Variants in FRMPD4 observed in about 807,000 individuals in gnomAD.
The protein encoded by FRMPD4 is FERM and PDZ domain-containing protein 4.
Under a neutral mutation model 94.1 loss-of-function variants are expected in FRMPD4, and 22 were observed. That is an observed-to-expected ratio of 0.23 (90% CI 0.17 to 0.33). FRMPD4 has a LOEUF of 0.33. Ranked by LOEUF, FRMPD4 falls within the 10% of genes least tolerant of loss-of-function variation. FRMPD4 has a pLI of 1.00. For missense variants in FRMPD4, 1,111 were observed against 1,339.9 expected, an observed-to-expected ratio of 0.83 and a Z score of 2.67; for synonymous variants, 631 against 548.6, an observed-to-expected ratio of 1.15 and a Z score of -2.10.
In FRMPD4 at chrX:12,354,369, C is replaced by G. The variant is rs2055863019; in HGVS notation, c.42-144311C>G. Among the ~76,000 whole-genome samples, 3 of 112,121 alleles carry G rather than the reference C, an allele frequency of 2.7e-5. No homozygotes were observed. In the Admixed American group the frequency reaches 2.8e-4, roughly 11 times the overall value. Reference sequence around the variant, plus strand: ...GAGGGTATGGGAATGGCTACTCATGCTCAGGAGTGGGAGATTGGCTCGCAG... The same window carrying G: ...GAGGGTATGGGAATGGCTACTCATGGTCAGGAGTGGGAGATTGGCTCGCAG... On this transcript the variant is annotated intron_variant, in intron 1 of 16. Coordinates refer to ENST00000675598, the MANE Select transcript of FRMPD4 (RefSeq NM_001368397.1).
At chrX:12,082,300 T>C (rs2055068963) in intron 3 of FRMPD4, among the ~76,000 whole-genome samples, 1 of 111,901 alleles carries the variant, frequency 8.9e-6, no homozygotes, top group Non-Finnish European at 1.9e-5. Context: ...ATTCTCATGA[T>C]AGTGAATAAG....
At chrX:12,363,349 A>G (rs1240921941) in intron 1 of FRMPD4, among the ~76,000 whole-genome samples, 1 of 112,826 alleles carries the variant, frequency 8.9e-6, no homozygotes, top group Non-Finnish European at 1.9e-5. Context: ...TATGTCAAGT[A>G]TTAGCTAAAT....
At chrX:12,530,813 C>A (rs1356570003) in intron 2 of FRMPD4, among the ~76,000 whole-genome samples, 1 of 109,952 alleles carries the variant, frequency 9.1e-6, no homozygotes, top group East Asian at 2.8e-4. Context: ...GTTTGGTATT[C>A]ACTGGATTGA....
At chrX:12,469,924 C>CT (rs1167321770) in intron 1 of FRMPD4, among the ~76,000 whole-genome samples, 2 of 112,277 alleles carry the variant, frequency 1.8e-5, no homozygotes, top group Non-Finnish European at 3.8e-5. Flanking sequence ...GAGGACACTG[C>CT]TGCCCCTGGA....
chrX:12,476,908 G>T (rs1424913024), intron 1 of FRMPD4, among the ~76,000 whole-genome samples: 1 of 111,740 alleles, frequency 8.9e-6, no homozygotes, highest in African/African-American at 3.3e-5. Context: ...ACAGTGTGGC[G>T]ATTCCTCAGG....
chrX:12,382,198 A>G (rs907408372), intron 1 of FRMPD4, among the ~76,000 whole-genome samples: 4 of 111,973 alleles, frequency 3.6e-5, no homozygotes, highest in African/African-American at 1.3e-4. Flanking sequence ...AAGCAACAAG[A>G]CATGCTTAGG....
intron 5 of FRMPD4, among the ~76,000 whole-genome samples, chrX:12,680,866 C>G (rs756916972): frequency 9.1e-6 from 1 of 110,275 alleles, no homozygotes; most frequent in African/African-American, 3.3e-5. Flanking sequence ...CGTTTACTGG[C>G]CTCAGCAGGG....
rs751431687 is a variant in FRMPD4 at position 12,279,109 on chromosome X, G to C, written c.41+140097G>C. On this transcript the variant is annotated intron_variant, in intron 1 of 16. Transcript: ENST00000675598. The stretch of plus-strand genomic sequence containing the variant: ...TTTTCACTCAAATCTTTGCCTTAGG[G>C]CCTGCTTTTGGGGAACCCATCCTAA... 1.9e-4 allele frequency among the ~76,000 whole-genome samples: 21 copies of C among 112,729 alleles called. No homozygotes were observed. The South Asian group carries it at 7.7e-3, about 41-fold the overall frequency.
intron 3 of FRMPD4, among the ~76,000 whole-genome samples, chrX:12,089,939 G>A (rs1157258079): frequency 1.8e-5 from 2 of 111,869 alleles, no homozygotes; most frequent in African/African-American, 3.3e-5. Context: ...AGCTGCAAGT[G>A]AGTGTGGGAT....
rs759915572 is a variant in FRMPD4, at chrX:11,951,363, T to C, written c.95+73345T>C. 2.5e-3 allele frequency among the ~76,000 whole-genome samples: 274 copies of C among 111,630 alleles called. 1 individual carries two copies. Among genetic ancestry groups the C allele is most frequent in the Middle Eastern group, 9.2e-3 (2 of 217 alleles). On this transcript the variant is annotated intron_variant, in intron 3 of 18. Coordinates refer to the FRMPD4 transcript ENST00000640291. ...ACCTAAGAGCCTGTCAATGATAGAC[T>C]GGATAAAGAAAATGTGGTATCTGCA...
chrX:11,835,124 A>T (rs1407251508), intron 1 of FRMPD4, among the ~76,000 whole-genome samples: 1 of 111,805 alleles, frequency 8.9e-6, no homozygotes, highest in Non-Finnish European at 1.9e-5. Context: ...TTGCTCTATG[A>T]GTTAAAATGA....
chrX:12,265,831 A>G (rs780945385), intron 1 of FRMPD4, among the ~76,000 whole-genome samples: 30 of 110,523 alleles, frequency 2.7e-4, no homozygotes, highest in Admixed American at 5.8e-4. Flanking sequence ...TAGAAAATCT[A>G]TTTAAAACAA....
intron 3 of FRMPD4, among the ~76,000 whole-genome samples, chrX:11,983,333 A>G (rs2054407020): frequency 8.9e-6 from 1 of 111,829 alleles, no homozygotes; most frequent in Non-Finnish European, 1.9e-5. Flanking sequence ...CTTCCATTAC[A>G]TTGTCTGCCT....
chrX:12,503,170 A>G (rs1407387699), intron 2 of FRMPD4, among the ~76,000 whole-genome samples: 2 of 111,965 alleles, frequency 1.8e-5, no homozygotes, highest in African/African-American at 3.2e-5. Flanking sequence ...GGCAAAATAG[A>G]TTATTATGAT....
chrX:12,238,509 A>G (rs1333879804), intron 1 of FRMPD4, among the ~76,000 whole-genome samples: 1 of 112,190 alleles, frequency 8.9e-6, no homozygotes, highest in Non-Finnish European at 1.9e-5. Context: ...AATGTGATCT[A>G]TAATCTTCTA....
chrX:12,050,903 T>C (rs1271613826), intron 3 of FRMPD4, among the ~76,000 whole-genome samples: 1 of 111,436 alleles, frequency 9.0e-6, no homozygotes, highest in African/African-American at 3.3e-5. Context: ...AACCAAATAT[T>C]ACAAACGACC....
intron 1 of FRMPD4, among the ~76,000 whole-genome samples, chrX:12,493,943 TTATTTCCA>T (rs746662393): frequency 8.9e-6 from 1 of 112,150 alleles, no homozygotes; most frequent in Non-Finnish European, 1.9e-5. Flanking sequence ...CTAGTTGTTA[TTATTTCCA>T]TTTTACACAT....
chrX:11,983,928 A>G (rs2054411602), intron 3 of FRMPD4, among the ~76,000 whole-genome samples: 2 of 112,514 alleles, frequency 1.8e-5, no homozygotes, highest in Non-Finnish European at 3.8e-5. Flanking sequence ...CCATCCCTAA[A>G]GAACTGAGGG....
Position 12,718,151 on chromosome X carries a change from G to A in FRMPD4, c.3325G>A (p.Ala1109Thr). ...GATGGCTGAAAAAAGTGGATTAGAA[G>A]CAGCAACAGGGAAAACCTTTCCAAG... ...GGMAEKSGLE[A>T]ATGKTFPRAS... Residue 1109 changes from alanine to threonine, a missense_variant, in exon 16 of 17, where the codon GCA (alanine) becomes ACA (threonine). Transcript: ENST00000675598. 8.3e-7 allele frequency: 1 copy of A among 1,211,703 alleles called. No homozygotes were observed. The highest frequency in any genetic ancestry group is 1.8e-5 in the South Asian group (1 of 56,982).
Sources: gnomAD v4.1 joint callset for allele counts (sites outside exome capture counted in the v4.1 genomes callset) on GRCh38, gnomAD v4.1.1 for gene constraint, MANE v1.5 for transcripts, NCBI Gene and HGNC (gene_info 2026-07-23, HGNC 2026-07-21) for gene names.